WDFY4: variants seen among roughly 807,000 people sequenced by gnomAD.
WDFY4 encodes WDFY family member 4.
In WDFY4, 169 loss-of-function variants were observed where a neutral mutation model predicts 351.9. The observed-to-expected ratio is 0.48, with a 90% CI of 0.42 to 0.55. WDFY4 has a LOEUF of 0.55. Ranked by LOEUF, WDFY4 falls within the 20% of genes least tolerant of loss-of-function variation. The probability of loss-of-function intolerance (pLI) is 0.00; values close to 1 mark genes in which losing one functional copy is unlikely to be tolerated. For synonymous variants in WDFY4, 1,622 were observed against 1,574.6 expected (o/e 1.03, Z -0.71); for missense variants, 3,803 against 3,935.6 (o/e 0.97, Z 0.90).
At chr10:48,809,029 T>C (rs968350224) in intron 28 of WDFY4, among the ~76,000 whole-genome samples, 1 of 152,220 alleles carries the variant, frequency 6.6e-6, no homozygotes, top group Admixed American at 6.5e-5. Context: ...AATAGGTGAG[T>C]ATAGTAAAGA....
chr10:48,866,864 G>C (rs2069563338), intron 39 of WDFY4, among the ~76,000 whole-genome samples: 1 of 152,198 alleles, frequency 6.6e-6, no homozygotes, highest in Admixed American at 6.5e-5. Flanking sequence ...CTGTCAATTG[G>C]TCAGTATAGA....
At chr10:48,846,038 A>G (rs1196135110) in intron 39 of WDFY4, among the ~76,000 whole-genome samples, 2 of 152,180 alleles carry the variant, frequency 1.3e-5, no homozygotes, top group Non-Finnish European at 2.9e-5. Flanking sequence ...TCCTGCCATC[A>G]TGTCACCCCC....
chr10:48,974,519 A>AAAAAAAAAAAAAAAAAAACAAC lies in WDFY4; in HGVS notation c.8929-333_8929-332insAAAAAAAACAACAAAAAAAAAA, dbSNP rs1352344126. Among the ~76,000 whole-genome samples, 25 of 49,968 alleles carry AAAAAAAAAAAAAAAAAAACAAC rather than the reference A, an allele frequency of 5.0e-4. 6 individuals are homozygous for AAAAAAAAAAAAAAAAAAACAAC. The highest frequency in any genetic ancestry group is 6.5e-4 in the Non-Finnish European group (18 of 27,746). 32.8% of individuals were successfully genotyped at this position (49,968 alleles called of 152,430 possible). On this transcript the variant is annotated intron_variant, in intron 57 of 61. Transcript: ENST00000325239. Reference sequence around the variant, plus strand: ...CTCCGTCTCAAAAAAAAAAAAAAAAAAAAAAAAAAACAACTCATGACATGA... The same window carrying AAAAAAAAAAAAAAAAAAACAAC: ...CTCCGTCTCAAAAAAAAAAAAAAAAAAAAAAAAAAAAAAAAAAACAACAAAAAAAAAACAACTCATGACATGA...
chr10:48,944,781 A>G (rs533514581), intron 49 of WDFY4, among the ~76,000 whole-genome samples: 1 of 152,316 alleles, frequency 6.6e-6, no homozygotes, highest in South Asian at 2.1e-4. Flanking sequence ...TTTAGGTCAT[A>G]CTAGGTATTT....
chr10:48,824,818 C>T (rs1357691796), intron 35 of WDFY4, among the ~76,000 whole-genome samples: 3 of 152,020 alleles, frequency 2.0e-5, no homozygotes, highest in Non-Finnish European at 4.4e-5. Context: ...TTTTTTTTAA[C>T]TTTTTGGAAA....
At chr10:48,975,467 G>A (rs1016227976) in intron 58 of WDFY4, among the ~76,000 whole-genome samples, 1 of 152,168 alleles carries the variant, frequency 6.6e-6, no homozygotes, top group Non-Finnish European at 1.5e-5. Context: ...CGACTTACCG[G>A]TGTGAAATTT....
intron 37 of WDFY4, among the ~76,000 whole-genome samples, chr10:48,829,539 C>T (rs1589707377): frequency 6.6e-6 from 1 of 152,144 alleles, no homozygotes; most frequent in African/African-American, 2.4e-5. Flanking sequence ...CTTACCTAGT[C>T]ATATGTTGTA....
intron 39 of WDFY4, among the ~76,000 whole-genome samples, chr10:48,858,812 G>T (rs1346866530): frequency 6.6e-6 from 1 of 152,084 alleles, no homozygotes; most frequent in Non-Finnish European, 1.5e-5. Flanking sequence ...CATATTTGTA[G>T]GTTGAGTCTT....
chr10:48,764,095 A>G (rs1049181944), intron 13 of WDFY4, among the ~76,000 whole-genome samples: 3 of 152,192 alleles, frequency 2.0e-5, no homozygotes, highest in Non-Finnish European at 4.4e-5. Flanking sequence ...CCCTACATCT[A>G]TACCCGCTTT....
Position 48,786,813 on chromosome 10 carries a change from G to C in WDFY4, c.3751G>C (p.Val1251Leu). Residue 1251 changes from valine to leucine, a missense_variant, in exon 20 of 62, where the codon GTT (valine) becomes CTT (leucine). By Grantham distance (32) the Val-to-Leu change is conservative. Transcript: ENST00000325239. ...EEAISMETLE[V>L]INKLGPRYCG... ...AGCCATTTCAATGGAAACTCTGGAA[G>C]TTATTAACAAACTTGGCCCAAGATA... 2 of 1,552,332 alleles carry C rather than the reference G, an allele frequency of 1.3e-6. No homozygotes were observed. The highest frequency in any genetic ancestry group is 1.7e-6 in the Non-Finnish European group (2 of 1,147,132).
At chr10:48,905,679 G>A (rs1360544419) in intron 47 of WDFY4, among the ~76,000 whole-genome samples, 1 of 152,238 alleles carries the variant, frequency 6.6e-6, no homozygotes, top group African/African-American at 2.4e-5. Flanking sequence ...TGGAAGGAGA[G>A]CCTCAGCAAA....
chr10:48,820,086 C>T (rs921244610), intron 32 of WDFY4, 148 bp from the exon 33 acceptor site: 2 of 821,462 alleles, frequency 2.4e-6, no homozygotes, highest in Non-Finnish European at 3.9e-6. Flanking sequence ...CAGCTGGATC[C>T]TGGGCAAGTT....
chr10:48,932,829 G>A (rs1051430225), intron 47 of WDFY4, among the ~76,000 whole-genome samples: 13 of 152,274 alleles, frequency 8.5e-5, no homozygotes, highest in Admixed American at 2.6e-4. Flanking sequence ...CTGAGAAAGC[G>A]ACATCTGAGC....
intron 23 of WDFY4, among the ~76,000 whole-genome samples, chr10:48,794,519 T>A (rs2066790483): frequency 5.3e-5 from 8 of 152,070 alleles, no homozygotes; most frequent in Admixed American, 5.2e-4. Flanking sequence ...GCCACCATGA[T>A]GATATTTAAT....
chr10:48,982,285 C>T (rs1410337343), intron 61 of WDFY4, among the ~76,000 whole-genome samples: 1 of 151,740 alleles, frequency 6.6e-6, no homozygotes, highest in East Asian at 2.0e-4. Flanking sequence ...AGCTTCCCCA[C>T]AGTGCTGTGG....
intron 47 of WDFY4, among the ~76,000 whole-genome samples, chr10:48,908,309 G>C (rs1837731203): frequency 6.6e-6 from 1 of 152,208 alleles, no homozygotes; most frequent in African/African-American, 2.4e-5. Flanking sequence ...CAACCCACTG[G>C]TTCAAGGTTT....
intron 47 of WDFY4, among the ~76,000 whole-genome samples, chr10:48,921,479 G>A (rs55806700): frequency 0.23 from 34,801 of 152,104 alleles, 4,878 homozygotes; most frequent in East Asian, 0.39. Context: ...AGATTTGAAT[G>A]TAAAATGTAA....
rs2066873810 is a variant in WDFY4, at chr10:48,796,310, C to A, written c.4270C>A (p.Leu1424Ile). The A allele has an allele frequency of 6.4e-7, 1 of 1,551,844 alleles. No individual in the cohort carries two copies. Among genetic ancestry groups the A allele is most frequent in the Non-Finnish European group, 8.7e-7 (1 of 1,146,970 alleles). Residue 1424 changes from leucine (L) to isoleucine (I), a missense_variant, in exon 24 of 62, where the codon CTC (leucine) becomes ATC (isoleucine). This residue lies in a region of WDFY4 where 3,054 missense variants were observed against 3,148.6 expected (regional missense o/e 0.97). Transcript: ENST00000325239. ...TTAACCTTTTCAGATAATGGCGTTT[C>A]TCCTGAGGAAGAAGGCCTCTCTCCT... ...HICGYQIMAF[L>I]LRKKASLLNH...
chr10:48,857,142 TG>T (rs905046273), intron 39 of WDFY4, among the ~76,000 whole-genome samples: 10 of 152,190 alleles, frequency 6.6e-5, no homozygotes, highest in African/African-American at 2.2e-4. Context: ...GCAGCTAGTT[TG>T]GCTCACAGAA....
Sources: gnomAD v4.1 joint callset for allele counts (sites outside exome capture counted in the v4.1 genomes callset) on GRCh38, gnomAD v4.1.1 for gene constraint, gnomAD v4.1.1 regional missense constraint, MANE v1.5 for transcripts, NCBI Gene and HGNC (gene_info 2026-07-23, HGNC 2026-07-21) for gene names.